Variants in COX10 observed in about 807,000 individuals in gnomAD.
COX10 encodes the protein cytochrome c oxidase assembly factor heme A:farnesyltransferase COX10, also known as protoheme IX farnesyltransferase, mitochondrial.
A neutral mutation model predicts 37.3 loss-of-function variants in COX10; 27 were observed. The observed-to-expected ratio is 0.72, with a 90% CI of 0.53 to 1.00. The LOEUF (loss-of-function observed/expected upper bound fraction) is 1.00, where lower values mean the gene tolerates loss of function less well. Ranked by LOEUF, COX10 falls within the 50% of genes least tolerant of loss-of-function variation. COX10 has a pLI of 0.00. For missense variants in COX10, 475 were observed against 563.2 expected, an observed-to-expected ratio of 0.84 and a Z score of 1.59; for synonymous variants, 222 against 229.1, an observed-to-expected ratio of 0.97 and a Z score of 0.28.
chr17:14,104,541 T>C (rs1344959237), intron 4 of COX10, among the ~76,000 whole-genome samples: 2 of 152,098 alleles, frequency 1.3e-5, no homozygotes, highest in African/African-American at 4.8e-5. Flanking sequence ...AATACATATA[T>C]GCGGTTGGTC....
intron 5 of COX10, among the ~76,000 whole-genome samples, chr17:14,184,176 G>T (rs1905955048): frequency 6.6e-6 from 1 of 152,144 alleles, no homozygotes; most frequent in South Asian, 2.1e-4. Flanking sequence ...TTTTTATTGA[G>T]CCTTTTTACC....
chr17:14,100,964 A>G (rs1254751810), intron 3 of COX10, among the ~76,000 whole-genome samples: 3 of 152,144 alleles, frequency 2.0e-5, no homozygotes, highest in Non-Finnish European at 4.4e-5. Context: ...GCCTTTATCC[A>G]CTAGAAGACA....
chr17:14,161,603 C>T (rs1905171398), intron 5 of COX10, among the ~76,000 whole-genome samples: 1 of 152,132 alleles, frequency 6.6e-6, no homozygotes, highest in Non-Finnish European at 1.5e-5. Context: ...GATTTGCCCT[C>T]AGTATTGGTG....
chr17:14,145,221 A>T (rs1904677815), intron 4 of COX10, among the ~76,000 whole-genome samples: 1 of 152,010 alleles, frequency 6.6e-6, no homozygotes, highest in Admixed American at 6.6e-5. Context: ...GAAACATCAG[A>T]TTCTTGAGAG....
At chr17:14,148,332 G>A (rs73979170) in intron 4 of COX10, among the ~76,000 whole-genome samples, 39 of 152,302 alleles carry the variant, frequency 2.6e-4, no homozygotes, top group African/African-American at 9.4e-4. Flanking sequence ...TAACCAGAGA[G>A]TAATGGCTGA....
rs77585794 is a variant in COX10 at position 14,071,342 on chromosome 17, G to A, written c.43+1694G>A. Among the ~76,000 whole-genome samples, 887 of 152,230 alleles carry A rather than the reference G, an allele frequency of 5.8e-3. 5 individuals are homozygous for A. The highest frequency in any genetic ancestry group is 0.012 in the Admixed American group (179 of 15,290). On this transcript the variant is annotated intron_variant, in intron 1 of 6. Coordinates refer to ENST00000261643, the MANE Select transcript of COX10 (RefSeq NM_001303.4). ...TTGCTGCATCAGTCTTTGCAGTGGT[G>A]GTATGGAAGGAATTAATAGACAGCT...
rs1914958287 is a variant in COX10 at position 14,069,514 on chromosome 17, C to T, written c.-92C>T. 1 of 1,509,506 alleles carries T rather than the reference C, an allele frequency of 6.6e-7. No homozygotes were observed. The highest frequency in any genetic ancestry group is 1.2e-5 in the South Asian group (1 of 86,692). The allele number at this position is 1,509,506 out of a possible 1,614,324, so 93.5% of individuals were successfully genotyped here. On this transcript the variant is annotated 5_prime_UTR_variant, in exon 1 of 7. Coordinates refer to ENST00000261643, the MANE Select transcript of COX10 (RefSeq NM_001303.4). ...AAGTGGCGGCCCGGAACTACTCCCACAGGGGGGCGGGGAAGGAAGATGGCG... is the reference window on the plus strand; with the variant it reads ...AAGTGGCGGCCCGGAACTACTCCCATAGGGGGGCGGGGAAGGAAGATGGCG...
intron 4 of COX10, among the ~76,000 whole-genome samples, chr17:14,141,107 G>A (rs1166607755): frequency 6.6e-6 from 1 of 151,904 alleles, no homozygotes; most frequent in Non-Finnish European, 1.5e-5. Context: ...TTATGTTATA[G>A]TGTTAATTTA....
In COX10 at chr17:14,207,390, A is replaced by T; in HGVS notation, c.*177A>T. The T allele has an allele frequency of 2.5e-6, 2 of 800,856 alleles. No individual in the cohort carries two copies. Among genetic ancestry groups the T allele is most frequent in the Non-Finnish European group, 3.8e-6 (2 of 530,804 alleles). 49.6% of individuals were successfully genotyped at this position (800,856 alleles called of 1,614,324 possible). Reference sequence around the variant, plus strand: ...TAAATATTACCCAAAATGCTCCCCAAATAAGAAATGCATCAGCTCAGTCAG... The same window carrying T: ...TAAATATTACCCAAAATGCTCCCCATATAAGAAATGCATCAGCTCAGTCAG... On this transcript the variant is annotated 3_prime_UTR_variant, in exon 7 of 7. Coordinates refer to ENST00000261643, the MANE Select transcript of COX10 (RefSeq NM_001303.4).
intron 4 of COX10, among the ~76,000 whole-genome samples, chr17:14,157,850 T>A (rs951048803): frequency 6.6e-6 from 1 of 152,252 alleles, no homozygotes; most frequent in African/African-American, 2.4e-5. Flanking sequence ...TGTAAAATGC[T>A]TAACATGTGT....
intron 4 of COX10, among the ~76,000 whole-genome samples, chr17:14,131,298 C>A (rs1459392326): frequency 6.6e-6 from 1 of 151,944 alleles, no homozygotes; most frequent in Admixed American, 6.6e-5. Context: ...TACGCTACAA[C>A]AGATGATGAG....
intron 4 of COX10, among the ~76,000 whole-genome samples, chr17:14,108,563 T>C (rs1466549798): frequency 6.6e-6 from 1 of 152,114 alleles, no homozygotes; most frequent in Admixed American, 6.6e-5. Flanking sequence ...GTTGAATAAT[T>C]TTTGTGAAAG....
Position 14,192,081 on chromosome 17 carries a change from G to T in COX10, c.788G>T (p.Gly263Val). 6.2e-7 allele frequency: 1 copy of T among 1,614,184 alleles called. No individual in the cohort carries two copies. The highest frequency in any genetic ancestry group is 8.5e-7 in the Non-Finnish European group (1 of 1,180,044). Residue 263 changes from glycine (G) to valine (V), a missense_variant, in exon 6 of 7, where the codon GGG becomes GTG. By Grantham distance (109) the Gly-to-Val change is moderately radical. Coordinates refer to ENST00000261643, the MANE Select transcript of COX10 (RefSeq NM_001303.4). ...GTGAATCCACTCACAGGAGCCCTGG[G>T]GCTCTTCAACATTTTCCTGTATACC... ...LGVNPLTGAL[G>V]LFNIFLYTCC...
intron 5 of COX10, among the ~76,000 whole-genome samples, chr17:14,187,288 T>C (rs1461675647): frequency 6.6e-6 from 1 of 152,150 alleles, no homozygotes; most frequent in Non-Finnish European, 1.5e-5. Context: ...CCATAAGATA[T>C]TTATCCCAAC....
At chr17:14,178,632 G>T (rs1039516499) in intron 5 of COX10, among the ~76,000 whole-genome samples, 1 of 151,268 alleles carries the variant, frequency 6.6e-6, no homozygotes, top group Non-Finnish European at 1.5e-5. Flanking sequence ...TTCACTAGTT[G>T]CAGCTCAGCT....
chr17:14,096,386 T>C (rs1397938542), intron 3 of COX10, among the ~76,000 whole-genome samples: 3 of 146,022 alleles, frequency 2.1e-5, no homozygotes, highest in Non-Finnish European at 3.0e-5. Context: ...TTCTTTTTTT[T>C]TTTTTTTTGA....
chr17:14,102,911 C>T (rs923042909), intron 4 of COX10, among the ~76,000 whole-genome samples: 3 of 152,050 alleles, frequency 2.0e-5, no homozygotes, highest in African/African-American at 4.8e-5. Flanking sequence ...ATTACCAGAA[C>T]ACCCAAGAGG....
In COX10 at chr17:14,208,100, A is replaced by G. The variant is rs993513282; in HGVS notation, c.*887A>G. 6.6e-6 allele frequency: 1 copy of G among 152,326 alleles called. No homozygotes were observed. The highest frequency in any genetic ancestry group is 1.5e-5 in the Non-Finnish European group (1 of 68,068). 9.4% of individuals were successfully genotyped at this position (152,326 alleles called of 1,614,324 possible). ...GTATTGAGAAGGGAAGTTAGGAAGAAGGGTGTGCTGGGCTAACCAGCCCAC... is the reference window on the plus strand; with the variant it reads ...GTATTGAGAAGGGAAGTTAGGAAGAGGGGTGTGCTGGGCTAACCAGCCCAC... On this transcript the variant is annotated 3_prime_UTR_variant, in exon 7 of 7. Transcript: ENST00000261643.
At chr17:14,193,840 T>C (rs1169919786) in intron 6 of COX10, among the ~76,000 whole-genome samples, 2 of 150,126 alleles carry the variant, frequency 1.3e-5, no homozygotes, top group African/African-American at 4.8e-5. Context: ...CAAACCTTTA[T>C]AGTGATTGTG....
Sources: allele counts gnomAD v4.1 joint callset (sites outside exome capture counted in the v4.1 genomes callset), GRCh38; gene constraint gnomAD v4.1.1; transcripts MANE v1.5; gene names NCBI Gene and HGNC (gene_info 2026-07-23, HGNC 2026-07-21).